The following PDLIM3 variants were observed in gnomAD, a reference collection of about 807,000 sequenced individuals.
The protein encoded by PDLIM3 is PDZ and LIM domain protein 3.
PDLIM3 carries 36 observed loss-of-function variants against 37.3 expected under a neutral mutation model. The ratio of observed to expected loss-of-function variants is 0.97; its 90% CI spans 0.74 to 1.28. PDLIM3 has a LOEUF of 1.28. Ranked by LOEUF, PDLIM3 falls within the 50% of genes most tolerant of loss-of-function variation. The pLI, the probability that PDLIM3 is intolerant of heterozygous loss-of-function variation, is 0.00. For synonymous variants in PDLIM3, 174 were observed against 182.4 expected (o/e 0.95, Z 0.37); for missense variants, 454 against 485.0 (o/e 0.94, Z 0.60).
At chr4:185,505,960 G>A (rs911536737) in intron 6 of PDLIM3, among the ~76,000 whole-genome samples, 2 of 152,206 alleles carry the variant, frequency 1.3e-5, no homozygotes, top group South Asian at 2.1e-4. Context: ...TGAAGATGAC[G>A]GGAGTGGGCT....
chr4:185,529,976 T>C (rs191757500), intron 1 of PDLIM3, among the ~76,000 whole-genome samples: 2 of 152,336 alleles, frequency 1.3e-5, no homozygotes, highest in Middle Eastern at 3.4e-3. Context: ...ACTTTTCTTG[T>C]GGAATTCTGG....
At chr4:185,510,592 T>C (rs1206403427) in intron 4 of PDLIM3, among the ~76,000 whole-genome samples, 4 of 152,164 alleles carry the variant, frequency 2.6e-5, no homozygotes, top group Admixed American at 2.6e-4. Flanking sequence ...ATTTCAAGGC[T>C]ACCATTAGTG....
intron 3 of PDLIM3, among the ~76,000 whole-genome samples, chr4:185,517,968 A>G (rs2095717413): frequency 6.6e-6 from 1 of 152,134 alleles, no homozygotes; most frequent in Non-Finnish European, 1.5e-5. Context: ...ATTCATTTTT[A>G]TTTTTCCTGG....
rs1232636410 is a variant in PDLIM3 at position 185,535,479 on chromosome 4, G to A, written c.-45C>T. 3.3e-6 allele frequency: 5 copies of A among 1,497,514 alleles called. No individual in the cohort carries two copies. Among genetic ancestry groups the A allele is most frequent in the Non-Finnish European group, 4.5e-6 (5 of 1,106,300 alleles). 92.8% of individuals were successfully genotyped at this position (1,497,514 alleles called of 1,614,324 possible). On this transcript the variant is annotated 5_prime_UTR_variant, in exon 1 of 8. Transcript: ENST00000284767. ...CCGGGCTCTAAGTGTCCCCGCGCAG[G>A]GCAGCCACTCCGCGCCGGGCGGCGT...
intron 2 of PDLIM3, 82 bp from the exon 3 acceptor site, chr4:185,523,528 G>T: frequency 3.5e-6 from 3 of 867,236 alleles, no homozygotes; most frequent in South Asian, 1.5e-5. Context: ...CATTATGTTT[G>T]TGAAAATACT....
In PDLIM3 at chr4:185,525,021, T is replaced by C; in HGVS notation, c.244A>G (p.Arg82Gly). Residue 82 changes from arginine (R) to glycine (G), a missense_variant and splice_region_variant, in exon 2 of 8, where the codon AGG (arginine) becomes GGG (glycine). Transcript: ENST00000284767. Reference sequence around the variant, plus strand: ...TAAGCACCATTAGTTAAGAAGCACCTGTCAATTTTGAGACACAGCTGGTGA... The same window carrying C: ...TAAGCACCATTAGTTAAGAAGCACCCGTCAATTTTGAGACACAGCTGGTGA... ...AAHQLCLKID[R>G]GETHLWSPQV... The C allele has an allele frequency of 6.2e-7, 1 of 1,614,048 alleles. No homozygotes were observed. Among genetic ancestry groups the C allele is most frequent in the Non-Finnish European group, 8.5e-7 (1 of 1,179,900 alleles).
At chr4:185,531,065 GGGGTCTT>G (rs2153339546) in intron 1 of PDLIM3, among the ~76,000 whole-genome samples, 1 of 151,932 alleles carries the variant, frequency 6.6e-6, no homozygotes, top group East Asian at 1.9e-4. Context: ...GCAACCATTG[GGGGTCTT>G]GGAATGTGTC....
Position 185,508,375 on chromosome 4 carries a change from A to G in PDLIM3, c.586T>C (p.Leu196=), listed in dbSNP as rs2095701279. The G allele has an allele frequency of 1.2e-6, 2 of 1,613,416 alleles. No homozygotes were observed. Among genetic ancestry groups the G allele is most frequent in the Non-Finnish European group, 1.7e-6 (2 of 1,179,312 alleles). Residue 196 remains leucine (L), a synonymous_variant, in exon 5 of 8, where the codon TTG becomes CTG. Coordinates refer to ENST00000284767, the MANE Select transcript of PDLIM3 (RefSeq NM_014476.6). The stretch of plus-strand genomic sequence containing the variant: ...TCCATAATATTGTCATCTGAGTACA[A>G]CTGCATAGGTGTATTAAACTGAGCA... The part of the protein sequence containing the change: ...VHAQFNTPMQ[L]YSDDNIMETL...
Position 185,508,070 on chromosome 4 carries a change from C to A in PDLIM3, c.662+229G>T, listed in dbSNP as rs113855051. Among the ~76,000 whole-genome samples the A allele has an allele frequency of 3.1e-3, 472 of 152,286 alleles. 1 individual carries two copies. Among genetic ancestry groups the A allele is most frequent in the African/African-American group, 0.011 (455 of 41,556 alleles). ...AAGCTCTACAGATAATTCCTCAAATCACCTTTATCACCAAGCCTAGATATT... is the reference window on the plus strand; with the variant it reads ...AAGCTCTACAGATAATTCCTCAAATAACCTTTATCACCAAGCCTAGATATT... On this transcript the variant is annotated intron_variant, in intron 5 of 7. Coordinates refer to ENST00000284767, the MANE Select transcript of PDLIM3 (RefSeq NM_014476.6).
chr4:185,521,399 C>CTT (rs528835696), intron 3 of PDLIM3, among the ~76,000 whole-genome samples: 1,781 of 44,970 alleles, frequency 0.04, 307 homozygotes, highest in African/African-American at 0.056. Flanking sequence ...CTTTTCTTTT[C>CTT]TTTTTTTTTT....
At position 185,514,335 on chromosome 4, in the gene PDLIM3, G is replaced by A. The variant is rs549674569; in HGVS notation, c.333C>T (p.Asp111=). The A allele has an allele frequency of 6.5e-5, 105 of 1,614,134 alleles. 3 individuals are homozygous for A. In the South Asian group the frequency reaches 9.8e-4, roughly 15 times the overall value. Residue 111 remains aspartate, a splice_region_variant and synonymous_variant, in exon 4 of 8, where the codon GAC becomes GAT. Coordinates refer to ENST00000284767, the MANE Select transcript of PDLIM3 (RefSeq NM_014476.6). This position sits in a 1 kb window ranked among gnomAD's most constrained non-coding sequence, Gnocchi z 4.0. ...TATGCTTGTGTTCAAAGTAGTTCCC[G>A]TCCTGTGAAAACAAAGCGTTAAAAA... ...FKINLESEPQ[D]GNYFEHKHNI...
intron 1 of PDLIM3, among the ~76,000 whole-genome samples, chr4:185,533,428 T>C (rs570089386): frequency 3.7e-4 from 56 of 152,320 alleles, no homozygotes; most frequent in African/African-American, 1.3e-3. Flanking sequence ...ATTGAATAAA[T>C]AAATGTTCTT....
chr4:185,502,714 T>G (rs2095689170), intron 7 of PDLIM3, among the ~76,000 whole-genome samples: 1 of 152,180 alleles, frequency 6.6e-6, no homozygotes, highest in Non-Finnish European at 1.5e-5. Flanking sequence ...TGTGACTATT[T>G]TTCAGATTTT....
chr4:185,532,462 T>C (rs568448250), intron 1 of PDLIM3, among the ~76,000 whole-genome samples: 1 of 152,228 alleles, frequency 6.6e-6, no homozygotes, highest in Non-Finnish European at 1.5e-5. Flanking sequence ...GAAAGAAGGC[T>C]TGGGGAGAGG....
At chr4:185,528,881 T>A (rs2095738920) in intron 1 of PDLIM3, among the ~76,000 whole-genome samples, 1 of 152,234 alleles carries the variant, frequency 6.6e-6, no homozygotes, top group African/African-American at 2.4e-5. Context: ...TTTTACTAAG[T>A]TAAACGATCT....
chr4:185,526,515 T>C (rs561241546), intron 1 of PDLIM3, among the ~76,000 whole-genome samples: 1 of 152,326 alleles, frequency 6.6e-6, no homozygotes, highest in South Asian at 2.1e-4. Context: ...TTTCCCATAA[T>C]TTAAAATATT....
intron 1 of PDLIM3, among the ~76,000 whole-genome samples, chr4:185,529,856 G>A (rs1017295353): frequency 3.3e-5 from 5 of 152,184 alleles, no homozygotes; most frequent in Non-Finnish European, 5.9e-5. Context: ...GAGAAAACCT[G>A]AAATTCCCAT....
chr4:185,506,469 C>A, intron 6 of PDLIM3, 53 bp downstream of exon 6: 1 of 1,609,842 alleles, frequency 6.2e-7, no homozygotes, highest in Non-Finnish European at 8.5e-7. Context: ...CCCGTCCCGC[C>A]CCCTGCAGTG....
intron 1 of PDLIM3, among the ~76,000 whole-genome samples, chr4:185,526,353 C>T (rs2095734103): frequency 6.6e-6 from 1 of 152,142 alleles, no homozygotes; most frequent in African/African-American, 2.4e-5. Context: ...GCAGCAATTA[C>T]ATTAAATGTA....
Sources: allele counts gnomAD v4.1 joint callset (sites outside exome capture counted in the v4.1 genomes callset), GRCh38; gene constraint gnomAD v4.1.1; non-coding constraint Gnocchi (gnomAD v3.1); transcripts MANE v1.5; gene names NCBI Gene and HGNC (gene_info 2026-07-23, HGNC 2026-07-21).